Variants in HECTD4 observed in about 807,000 individuals in gnomAD.
The protein encoded by HECTD4 is HECT domain E3 ubiquitin protein ligase 4, also known as probable E3 ubiquitin-protein ligase HECTD4.
HECTD4 carries 114 observed loss-of-function variants against 471.5 expected under a neutral mutation model. The observed-to-expected ratio is 0.24, with a 90% confidence interval of 0.21 to 0.28. The LOEUF is 0.28. Among genes scored for constraint, HECTD4 ranks in the 10% least tolerant of loss-of-function variants. HECTD4 has a pLI of 1.00. For missense variants in HECTD4, 3,866 were observed against 5,651.5 expected, an observed-to-expected ratio of 0.68 and a Z score of 10.13; for synonymous variants, 2,012 against 2,256.0, an observed-to-expected ratio of 0.89 and a Z score of 3.07.
At chr12:112,324,725 A>T (rs2035706240) in intron 1 of HECTD4, among the ~76,000 whole-genome samples, 1 of 152,178 alleles carries the variant, frequency 6.6e-6, no homozygotes, top group African/African-American at 2.4e-5. Flanking sequence ...CACTATTACA[A>T]TCAATAAAGA....
At chr12:112,249,181 C>G (rs2033824471) in intron 25 of HECTD4, among the ~76,000 whole-genome samples, 1 of 151,890 alleles carries the variant, frequency 6.6e-6, no homozygotes, top group Admixed American at 6.6e-5. Flanking sequence ...GTGGAGAAAC[C>G]CCGTCTCTAC....
chr12:112,286,659 T>C (rs2034760910), intron 7 of HECTD4, among the ~76,000 whole-genome samples: 1 of 151,668 alleles, frequency 6.6e-6, no homozygotes, highest in Non-Finnish European at 1.5e-5. Context: ...ACCACTGCAC[T>C]CCAGCCTGGG....
intron 1 of HECTD4, among the ~76,000 whole-genome samples, chr12:112,349,007 T>C (rs1455784838): frequency 6.6e-6 from 1 of 152,160 alleles, no homozygotes; most frequent in Non-Finnish European, 1.5e-5. Flanking sequence ...AGGAGGGATA[T>C]GATATCCTGG....
chr12:112,323,006 A>G, intron 1 of HECTD4: 1 of 187,796 alleles, frequency 5.3e-6, no homozygotes. Flanking sequence ...AACTGCCAGT[A>G]CCTGGCAGGA....
At position 112,192,774 on chromosome 12, in the gene HECTD4, G is replaced by A. The variant is rs1186125799; in HGVS notation, c.9087-9C>T. The A allele has an allele frequency of 3.8e-6, 6 of 1,568,180 alleles. No individual in the cohort carries two copies. Among genetic ancestry groups the A allele is most frequent in the Non-Finnish European group, 5.2e-6 (6 of 1,156,184 alleles). On this transcript the variant is annotated splice_polypyrimidine_tract_variant and intron_variant, in intron 58 of 75. Transcript: ENST00000682272. ...CCTTGTACAGAGAGGAGCTGAGAAG[G>A]AGGGATGGGTGGGTGTTAATACAGG... is the stretch of plus-strand genomic sequence containing the variant.
chr12:112,371,303 C>T lies in HECTD4; in HGVS notation c.177+10649G>A, dbSNP rs1309834091. 3.9e-5 allele frequency among the ~76,000 whole-genome samples: 6 copies of T among 152,104 alleles called. No individual in the cohort carries two copies. In the East Asian group the frequency reaches 7.7e-4, roughly 20 times the overall value. Reference sequence around the variant, plus strand: ...GAAGGAAGAAAATTCCAGCCAGGCGCGGTGGTTCACACCTGTAATCCCAGC... The same window carrying T: ...GAAGGAAGAAAATTCCAGCCAGGCGTGGTGGTTCACACCTGTAATCCCAGC... On this transcript the variant is annotated intron_variant, in intron 1 of 75. Transcript: ENST00000682272.
At chr12:112,296,438 G>A (rs772278867) in intron 7 of HECTD4, among the ~76,000 whole-genome samples, 69 of 151,798 alleles carry the variant, frequency 4.5e-4, no homozygotes, top group Admixed American at 3.6e-3. Context: ...TGTAGGTGCA[G>A]TGGATGTAGA....
intron 1 of HECTD4, among the ~76,000 whole-genome samples, chr12:112,374,268 G>C (rs1486334439): frequency 6.6e-6 from 1 of 152,114 alleles, no homozygotes; most frequent in African/African-American, 2.4e-5. Context: ...TGAGGCTGCA[G>C]TGAACTATGA....
chr12:112,368,369 A>G (rs753164550), intron 1 of HECTD4, among the ~76,000 whole-genome samples: 1 of 152,246 alleles, frequency 6.6e-6, no homozygotes, highest in Non-Finnish European at 1.5e-5. Flanking sequence ...AGTAACAGTA[A>G]TAAGTCACAG....
At chr12:112,197,967 C>G (rs1437827787) in intron 55 of HECTD4, among the ~76,000 whole-genome samples, 2 of 152,132 alleles carry the variant, frequency 1.3e-5, no homozygotes, top group Non-Finnish European at 2.9e-5. Context: ...TCCCGAGTAG[C>G]TGGGACCATA....
chr12:112,199,947 G>A (rs150465282), intron 55 of HECTD4, among the ~76,000 whole-genome samples: 100 of 152,298 alleles, frequency 6.6e-4, no homozygotes, highest in African/African-American at 2.2e-3. Context: ...ATCAAGTTGA[G>A]TGTATCTCCA....
chr12:112,352,244 A>G (rs1301550028), intron 1 of HECTD4, among the ~76,000 whole-genome samples: 1 of 152,108 alleles, frequency 6.6e-6, no homozygotes, highest in Admixed American at 6.6e-5. Context: ...CCCTGGCTGA[A>G]TATTAGAATT....
Position 112,261,435 on chromosome 12 carries a change from C to T in HECTD4, c.2749-6G>A. ...AAAATACTGACTTTTAGCTCCTAGG[C>T]AGAAAATATCATCATATTATTTTTA... is the stretch of plus-strand genomic sequence containing the variant. On this transcript the variant is annotated splice_region_variant and splice_polypyrimidine_tract_variant and intron_variant, in intron 17 of 75. Coordinates refer to ENST00000682272, the MANE Select transcript of HECTD4 (RefSeq NM_001388303.1). 6.3e-7 allele frequency: 1 copy of T among 1,590,988 alleles called. No homozygotes were observed. The highest frequency in any genetic ancestry group is 1.1e-5 in the South Asian group (1 of 89,638).
chr12:112,289,564 T>C (rs867383178), intron 7 of HECTD4, among the ~76,000 whole-genome samples: 2 of 152,196 alleles, frequency 1.3e-5, no homozygotes, highest in South Asian at 2.1e-4. Context: ...GTTCCAAGAA[T>C]TTTTTTAATG....
Position 112,194,474 on chromosome 12 carries a change from G to A in HECTD4, c.8749+411C>T, listed in dbSNP as rs1593916755. On this transcript the variant is annotated intron_variant, in intron 56 of 75. Coordinates refer to ENST00000682272, the MANE Select transcript of HECTD4 (RefSeq NM_001388303.1). The surrounding 1 kb of genome is among the most constrained non-coding windows in gnomAD (Gnocchi z 4.6). ...ACAGCCCTCATGCCAAGGGCACACA[G>A]GCTGGCCTTTGGAACAGCCTCAGCA... Among the ~76,000 whole-genome samples the A allele has an allele frequency of 6.6e-6, 1 of 152,202 alleles. No homozygotes were observed. Among genetic ancestry groups the A allele is most frequent in the South Asian group, 2.1e-4 (1 of 4,834 alleles).
chr12:112,221,486 G>C (rs919320482), intron 44 of HECTD4, among the ~76,000 whole-genome samples: 5 of 152,172 alleles, frequency 3.3e-5, no homozygotes, highest in African/African-American at 9.7e-5. Context: ...CATTCCGCCT[G>C]CCTTGGCCTC....
In HECTD4 at chr12:112,184,921, C is replaced by A; in HGVS notation, c.10045G>T (p.Glu3349Ter). The change falls in exon 61 of 76, where the codon GAG becomes TAG. Residue 3349 changes from glutamate (E) to a stop codon, truncating the protein, a stop_gained. Coordinates refer to ENST00000682272, the MANE Select transcript of HECTD4 (RefSeq NM_001388303.1). LOFTEE classifies it high-confidence loss of function. This position sits in a 1 kb window ranked among gnomAD's most constrained non-coding sequence, Gnocchi z 9.1. ...GCGCGGTGGAACCACAGCATGTCCT[C>A]GGGCTTGCTGCCTCCGATGCTGAGC... The part of the protein sequence containing the change: ...TVLSIGGSKP[E>*]DMLWFHRALT... 6.2e-7 allele frequency: 1 copy of A among 1,613,714 alleles called. No individual in the cohort carries two copies. Among genetic ancestry groups the A allele is most frequent in the Non-Finnish European group, 8.5e-7 (1 of 1,179,790 alleles).
At chr12:112,371,808 C>T (rs962492179) in intron 1 of HECTD4, among the ~76,000 whole-genome samples, 8 of 151,268 alleles carry the variant, frequency 5.3e-5, no homozygotes, top group African/African-American at 1.9e-4. Context: ...ATCGCTTAAA[C>T]CCGGGAGGCG....
chr12:112,183,305 T>C, intron 61 of HECTD4, 39 bp from the exon 62 acceptor site: 1 of 1,503,188 alleles, frequency 6.7e-7, no homozygotes, highest in South Asian at 1.1e-5. Context: ...TTGAGTAGCT[T>C]GACCAGTCAT....
Sources: allele counts gnomAD v4.1 joint callset (sites outside exome capture counted in the v4.1 genomes callset), GRCh38; gene constraint gnomAD v4.1.1; non-coding constraint Gnocchi (gnomAD v3.1); transcripts MANE v1.5; gene names NCBI Gene and HGNC (gene_info 2026-07-23, HGNC 2026-07-21).